Variants in PLEKHG6 observed in about 807,000 individuals in gnomAD.
PLEKHG6 encodes pleckstrin homology and RhoGEF domain containing G6, also known as pleckstrin homology domain-containing family G member 6.
PLEKHG6 carries 91 observed loss-of-function variants against 97.5 expected under a neutral mutation model. That is an observed-to-expected ratio of 0.93 (90% CI 0.79 to 1.11). The LOEUF is 1.11. Among genes scored for constraint, PLEKHG6 ranks in the 50% most tolerant of loss-of-function variants. The probability of loss-of-function intolerance (pLI) is 0.00; values close to 1 mark genes in which losing one functional copy is unlikely to be tolerated. For missense variants in PLEKHG6, 1,044 were observed against 1,031.0 expected, an observed-to-expected ratio of 1.01 and a Z score of -0.17; for synonymous variants, 466 against 425.5, an observed-to-expected ratio of 1.10 and a Z score of -1.17.
rs1947547425 is a variant in PLEKHG6, at chr12:6,317,985, G to A, written c.1146G>A (p.Glu382=). 2 of 1,588,670 alleles carry A rather than the reference G, an allele frequency of 1.3e-6. No homozygotes were observed. The highest frequency in any genetic ancestry group is 1.7e-6 in the Non-Finnish European group (2 of 1,167,260). The change falls in exon 10 of 16, where the codon GAG becomes GAA. Residue 382 remains glutamate, a synonymous_variant. Transcript: ENST00000684764. ...PYEVLEPPSD[E]VEKNLRPFST... Reference sequence around the variant, plus strand: ...AGGTGCTGGAGCCACCCAGTGATGAGGTGGAGAAGGTGAGAGGGCAAAGGG... The same window carrying A: ...AGGTGCTGGAGCCACCCAGTGATGAAGTGGAGAAGGTGAGAGGGCAAAGGG...
intron 15 of PLEKHG6, 24 bp downstream of exon 15, chr12:6,327,970 C>A (rs747034404): frequency 2.6e-6 from 4 of 1,512,462 alleles, no homozygotes; most frequent in Non-Finnish European, 2.7e-6. Context: ...GGAAGCTGGC[C>A]TGGGAGGGGG....
In PLEKHG6 at chr12:6,328,360, A is replaced by G. The variant is rs552106728; in HGVS notation, c.*215A>G. The G allele has an allele frequency of 1.9e-6, 1 of 528,162 alleles. No individual in the cohort carries two copies. Among genetic ancestry groups the G allele is most frequent in the Admixed American group, 3.4e-5 (1 of 29,366 alleles). The allele number at this position is 528,162 out of a possible 1,614,324, so 32.7% of individuals were successfully genotyped here. A position where few individuals can be genotyped will look rare whatever the true frequency, so the allele number is the denominator to read the frequency against. On this transcript the variant is annotated 3_prime_UTR_variant, in exon 16 of 16. Transcript: ENST00000684764. Reference sequence around the variant, plus strand: ...GAGCCCCACAGAAAGTTGTGCATAAAAATGACTGCCCTGGCTGGGCATGGC... The same window carrying G: ...GAGCCCCACAGAAAGTTGTGCATAAGAATGACTGCCCTGGCTGGGCATGGC...
rs1947716724 is a variant in PLEKHG6, at chr12:6,321,870, G to A, written c.1524+2762G>A. Among the ~76,000 whole-genome samples the A allele has an allele frequency of 2.0e-5, 3 of 151,524 alleles. No individual in the cohort carries two copies. The South Asian group carries it at 6.3e-4, about 32-fold the overall frequency. On this transcript the variant is annotated intron_variant, in intron 13 of 15. Transcript: ENST00000684764. ...AGAGGGAAGAGAAGGGGGAGCCTTA[G>A]GGATACTTTGGTTAAAGTCTATACT...
At chr12:6,319,554 A>C (rs1947630941) in intron 13 of PLEKHG6, 2 of 1,533,450 alleles carry the variant, frequency 1.3e-6, no homozygotes, top group Non-Finnish European at 1.7e-6. Context: ...CAGACTGGAC[A>C]ATCTGATGTG....
At position 6,327,934 on chromosome 12, in the gene PLEKHG6, C is replaced by T. The variant is rs1266472089; in HGVS notation, c.2351C>T (p.Pro784Leu). ...CCCCACATCATTCAGCTGGACACCCCTCTGTCCGCATCGTAAGTGCTGGAG... is the reference window on the plus strand; with the variant it reads ...CCCCACATCATTCAGCTGGACACCCTTCTGTCCGCATCGTAAGTGCTGGAG... ...RGPHIIQLDT[P>L]LSASEV Residue 784 changes from proline (P) to leucine (L), a missense_variant, in exon 15 of 16, where the codon CCT becomes CTT. Transcript: ENST00000684764. 2.0e-6 allele frequency: 3 copies of T among 1,489,916 alleles called. No homozygotes were observed. Among genetic ancestry groups the T allele is most frequent in the Non-Finnish European group, 2.7e-6 (3 of 1,119,742 alleles). The allele number at this position is 1,489,916 out of a possible 1,614,324, so 92.3% of individuals were successfully genotyped here. A position where few individuals can be genotyped will look rare whatever the true frequency, so the allele number is the denominator to read the frequency against.
At chr12:6,318,955 T>C in intron 12 of PLEKHG6, 38 bp from the exon 13 acceptor site, 1 of 1,612,032 alleles carries the variant, frequency 6.2e-7, no homozygotes, top group Non-Finnish European at 8.5e-7. Context: ...GGAGATCAAA[T>C]AAAGGCTGGC....
At chr12:6,322,741 C>T (rs957131600) in intron 13 of PLEKHG6, among the ~76,000 whole-genome samples, 1 of 152,148 alleles carries the variant, frequency 6.6e-6, no homozygotes, top group Non-Finnish European at 1.5e-5. Flanking sequence ...ATTAGCTGGG[C>T]CTGGTGGCGC....
In PLEKHG6 at chr12:6,328,149, A is replaced by G. The variant is rs780390247; in HGVS notation, c.*4A>G. On this transcript the variant is annotated 3_prime_UTR_variant, in exon 16 of 16. Transcript: ENST00000684764. ...CTGTCTTTTCAGAGAGGTATGAGGA[A>G]TGCAGAGGACCTTTGGCATGCATCT... 6.2e-7 allele frequency: 1 copy of G among 1,613,936 alleles called. No homozygotes were observed.
At position 6,327,626 on chromosome 12, in the gene PLEKHG6, G is replaced by T; in HGVS notation, c.2043G>T (p.Val681=). The T allele has an allele frequency of 6.3e-7, 1 of 1,575,960 alleles. No individual in the cohort carries two copies. The highest frequency in any genetic ancestry group is 8.6e-7 in the Non-Finnish European group (1 of 1,159,848). The change falls in exon 15 of 16, where the codon GTG becomes GTT. Residue 681 remains valine (V), a synonymous_variant. Coordinates refer to ENST00000684764, the MANE Select transcript of PLEKHG6 (RefSeq NM_001384598.1). ...GGGCCTCCGAGCGAGGGAATGTGGT[G>T]GTGGAAACACTCCACAGGGCCCGGC... ...EDGASERGNV[V]VETLHRARLR... is the part of the protein sequence containing the mutation.
rs1565462074 is a variant in PLEKHG6, at chr12:6,326,321, AAT to A, written c.1525-105_1525-104del. 1.7e-5 allele frequency: 11 copies of A among 637,744 alleles called. 1 individual carries two copies. The highest frequency in any genetic ancestry group is 1.4e-4 in the African/African-American group (7 of 50,812). 39.5% of individuals were successfully genotyped at this position (637,744 alleles called of 1,614,324 possible). A position where few individuals can be genotyped will look rare whatever the true frequency, so the allele number is the denominator to read the frequency against. ...CTCAGTCTCAAAAAATAATAATAAT[AAT>A]AAAATAAAATAAGGTAATATATGTA... On this transcript the variant is annotated intron_variant, in intron 13 of 15. Transcript: ENST00000684764.
chr12:6,313,889 C>A lies in PLEKHG6; in HGVS notation c.294+105C>A, dbSNP rs1947359660. 5.2e-5 allele frequency: 55 copies of A among 1,060,560 alleles called. No homozygotes were observed. The South Asian group carries it at 9.0e-4, about 17-fold the overall frequency. 65.7% of individuals were successfully genotyped at this position (1,060,560 alleles called of 1,614,324 possible). A position where few individuals can be genotyped will look rare whatever the true frequency, so the allele number is the denominator to read the frequency against. ...GAGCTGAGAACACAGGTCCAGGAGG[C>A]TGCTGCCTGCCAGTCAGACATGGCT... On this transcript the variant is annotated intron_variant, in intron 3 of 15. Transcript: ENST00000684764.
intron 15 of PLEKHG6, 38 bp downstream of exon 15, chr12:6,327,984 A>G: frequency 1.3e-6 from 2 of 1,516,384 alleles, no homozygotes; most frequent in Non-Finnish European, 1.8e-6. Context: ...GAGGGGGCAG[A>G]CGGGGATGTC....
chr12:6,323,317 C>T (rs1175802876), intron 13 of PLEKHG6, among the ~76,000 whole-genome samples: 1 of 152,228 alleles, frequency 6.6e-6, no homozygotes, highest in African/African-American at 2.4e-5. Context: ...ACTTTTCCTG[C>T]TATTGTCTCA....
chr12:6,315,213 A>G lies in PLEKHG6; in HGVS notation c.459+44A>G. 2 of 1,566,076 alleles carry G rather than the reference A, an allele frequency of 1.3e-6. No homozygotes were observed. The highest frequency in any genetic ancestry group is 4.5e-5 in the East Asian group (2 of 44,214). The stretch of plus-strand genomic sequence containing the variant: ...AGGTGAGTCTGTCCCCACGGCGTGA[A>G]TGCACACACAGATTCTGCTCTAGAG... On this transcript the variant is annotated intron_variant, in intron 4 of 15. Coordinates refer to ENST00000684764, the MANE Select transcript of PLEKHG6 (RefSeq NM_001384598.1). This position sits in a 1 kb window ranked among gnomAD's most constrained non-coding sequence, Gnocchi z 4.5.
At chr12:6,328,102 G>C (rs1947939807) in intron 15 of PLEKHG6, 34 bp from the exon 16 acceptor site, 1 of 1,613,780 alleles carries the variant, frequency 6.2e-7, no homozygotes, top group Non-Finnish European at 8.5e-7. Context: ...CGTTGCCACT[G>C]AATGTCGCCT....
intron 2 of PLEKHG6, chr12:6,313,234 G>C (rs1947334805): frequency 6.7e-7 from 1 of 1,492,924 alleles, no homozygotes; most frequent in East Asian, 2.5e-5. Flanking sequence ...CATAGACAAG[G>C]AGAGTTACGA....
chr12:6,315,731 G>C lies in PLEKHG6; in HGVS notation c.555+82G>C. ...TCCCAGACTGGAAGGCAGGTCACTG[G>C]GGGAGGGAGGGGCAGGATTTCAGGC... On this transcript the variant is annotated intron_variant, in intron 5 of 15. Transcript: ENST00000684764. This position sits in a 1 kb window ranked among gnomAD's most constrained non-coding sequence, Gnocchi z 4.5. 4 of 1,206,970 alleles carry C rather than the reference G, an allele frequency of 3.3e-6. No homozygotes were observed. Among genetic ancestry groups the C allele is most frequent in the Non-Finnish European group, 4.7e-6 (4 of 850,244 alleles). The allele number at this position is 1,206,970 out of a possible 1,614,324, so 74.8% of individuals were successfully genotyped here. A position where few individuals can be genotyped will look rare whatever the true frequency, so the allele number is the denominator to read the frequency against.
At position 6,316,669 on chromosome 12, in the gene PLEKHG6, A is replaced by G. The variant is rs983521396; in HGVS notation, c.756+265A>G. ...GGTCACACCTTGGCTCCCATCAACT[A>G]CAAAAGCTGGGTGCAGCAAATGAGG... On this transcript the variant is annotated intron_variant, in intron 7 of 15. Transcript: ENST00000684764. The surrounding 1 kb of genome is among the most constrained non-coding windows in gnomAD (Gnocchi z 4.1). Among the ~76,000 whole-genome samples the G allele has an allele frequency of 6.6e-6, 1 of 152,090 alleles. No homozygotes were observed. Among genetic ancestry groups the G allele is most frequent in the African/African-American group, 2.4e-5 (1 of 41,396 alleles).
intron 2 of PLEKHG6, chr12:6,312,734 G>A (rs1026442043): frequency 8.6e-7 from 1 of 1,163,436 alleles, no homozygotes; most frequent in Admixed American, 4.4e-5. Context: ...GCCTCTCCCT[G>A]AGTCAGGATG....
Sources: gnomAD v4.1 joint callset for allele counts (sites outside exome capture counted in the v4.1 genomes callset) on GRCh38, gnomAD v4.1.1 for gene constraint, Gnocchi (gnomAD v3.1) non-coding constraint, MANE v1.5 for transcripts, NCBI Gene and HGNC (gene_info 2026-07-23, HGNC 2026-07-21) for gene names.